The following FGF13 variants were observed in gnomAD, a reference collection of about 807,000 sequenced individuals.
FGF13 encodes fibroblast growth factor homologous factor 2.
A neutral mutation model predicts 19.5 loss-of-function variants in FGF13; 2 were observed. The observed-to-expected ratio is 0.10, with a 90% confidence interval of 0.04 to 0.32. The LOEUF (loss-of-function observed/expected upper bound fraction) is 0.32, where lower values mean the gene tolerates loss of function less well. FGF13 is among the 10% of genes least tolerant of loss of function. The pLI is 1.00. For missense variants in FGF13, 113 were observed against 192.7 expected, an observed-to-expected ratio of 0.59 and a Z score of 2.45; for synonymous variants, 72 against 76.9, an observed-to-expected ratio of 0.94 and a Z score of 0.33.
chrX:138,814,205 T>C lies in FGF13; in HGVS notation c.217+43307A>G, dbSNP rs141722575. Among the ~76,000 whole-genome samples, 250 of 110,260 alleles carry C rather than the reference T, an allele frequency of 2.3e-3. 7 individuals carry two copies. In the East Asian group the frequency reaches 0.068, roughly 30 times the overall value. ...TCCCAATAAAAATAACAATAAGTTA[T>C]TTTTAGAATTAGACAAGTTGTCACT... is the stretch of plus-strand genomic sequence containing the variant. On this transcript the variant is annotated intron_variant, in intron 3 of 6. Coordinates refer to the FGF13 transcript ENST00000436198.
intron 3 of FGF13, among the ~76,000 whole-genome samples, chrX:138,698,462 G>C (rs966008041): frequency 9.0e-5 from 10 of 111,706 alleles, no homozygotes; most frequent in Non-Finnish European, 1.3e-4. Flanking sequence ...CAATTTGCTT[G>C]CAAGAACAGA....
chrX:139,013,567 A>T (rs1266016461), intron 1 of FGF13, among the ~76,000 whole-genome samples: 4 of 101,228 alleles, frequency 4.0e-5, no homozygotes, highest in African/African-American at 1.5e-4. Flanking sequence ...AAGGAATGAA[A>T]TATTGGCATT....
intron 1 of FGF13, among the ~76,000 whole-genome samples, chrX:138,998,603 G>C (rs1212957509): frequency 2.7e-5 from 3 of 111,226 alleles, no homozygotes; most frequent in African/African-American, 9.8e-5. Flanking sequence ...ATTACCTAAT[G>C]GTAAAGGAAT....
At chrX:138,772,979 C>T (rs1255707140) in intron 3 of FGF13, among the ~76,000 whole-genome samples, 1 of 108,350 alleles carries the variant, frequency 9.2e-6, no homozygotes, top group African/African-American at 3.4e-5. Context: ...CACTATTGAC[C>T]GAACTAACTG....
At chrX:138,978,509 G>A (rs1224028634) in intron 1 of FGF13, among the ~76,000 whole-genome samples, 4 of 110,844 alleles carry the variant, frequency 3.6e-5, no homozygotes, top group South Asian at 3.8e-4. Context: ...TGATCCGCCC[G>A]CCGCGGCCTC....
chrX:138,918,850 G>A (rs755717438), intron 1 of FGF13, among the ~76,000 whole-genome samples: 2 of 111,971 alleles, frequency 1.8e-5, no homozygotes, highest in East Asian at 5.7e-4. Context: ...TGACCAACTG[G>A]AAGAAAGTAG....
At chrX:139,051,694 G>T (rs1328515892) in intron 1 of FGF13, among the ~76,000 whole-genome samples, 1 of 112,788 alleles carries the variant, frequency 8.9e-6, no homozygotes, top group Non-Finnish European at 1.9e-5. Context: ...AAAAAGCCAA[G>T]TCTCCTGATT....
chrX:138,680,754 C>T (rs1021852261), intron 3 of FGF13, among the ~76,000 whole-genome samples: 9 of 111,460 alleles, frequency 8.1e-5, no homozygotes, highest in Non-Finnish European at 1.5e-4. Flanking sequence ...GCTGCAGCTA[C>T]ACTAGCTCCT....
chrX:138,689,911 C>T (rs767567307), intron 3 of FGF13, among the ~76,000 whole-genome samples: 1 of 111,768 alleles, frequency 8.9e-6, no homozygotes, highest in Non-Finnish European at 1.9e-5. Flanking sequence ...ACTGAAATAC[C>T]CTTGTAATGT....
At chrX:139,072,840 A>G (rs2092381079) in intron 1 of FGF13, among the ~76,000 whole-genome samples, 1 of 111,736 alleles carries the variant, frequency 8.9e-6, no homozygotes, top group African/African-American at 3.2e-5. Context: ...TCCTTCTGGA[A>G]CATTTCTTAG....
rs139084376 is a variant in FGF13 at position 139,064,281 on chromosome X, C to CTTTTTT, written c.-113+139129_-113+139134dup. Among the ~76,000 whole-genome samples, 16 of 23,157 alleles carry CTTTTTT rather than the reference C, an allele frequency of 6.9e-4. 1 individual carries two copies. Among genetic ancestry groups the CTTTTTT allele is most frequent in the Non-Finnish European group, 9.3e-4 (14 of 15,022 alleles). The allele number at this position is 23,157 out of a possible 115,157, so 20.1% of individuals were successfully genotyped here. Reference sequence around the variant, plus strand: ...GCATAGAGCAGAGTTCTTTTTTTTTCTTTTTTTTTTTTTTTTTTTTTTTTT... The same window carrying CTTTTTT: ...GCATAGAGCAGAGTTCTTTTTTTTTCTTTTTTTTTTTTTTTTTTTTTTTTTTTTTTT... On this transcript the variant is annotated intron_variant, in intron 1 of 2. Coordinates refer to the FGF13 transcript ENST00000421460.
intron 1 of FGF13, among the ~76,000 whole-genome samples, chrX:139,072,049 TTC>T (rs907781177): frequency 9.3e-6 from 1 of 108,011 alleles, no homozygotes; most frequent in African/African-American, 3.4e-5. Flanking sequence ...TTTTTCTCTT[TTC>T]TCTCCTGCTT....
chrX:138,815,044 T>C (rs1324287503), intron 3 of FGF13, among the ~76,000 whole-genome samples: 1 of 111,317 alleles, frequency 9.0e-6, no homozygotes, highest in African/African-American at 3.3e-5. Flanking sequence ...TGCAGCAACA[T>C]GGGTGAACCT....
intron 1 of FGF13, among the ~76,000 whole-genome samples, chrX:138,882,608 C>T (rs1220236387): frequency 8.9e-6 from 1 of 111,820 alleles, no homozygotes; most frequent in Non-Finnish European, 1.9e-5. Context: ...TTTTACACCT[C>T]AGGAAACTCA....
chrX:138,791,775 G>A (rs1257557769), intron 3 of FGF13, among the ~76,000 whole-genome samples: 2 of 111,820 alleles, frequency 1.8e-5, no homozygotes, highest in African/African-American at 6.5e-5. Context: ...AAAAGTAAAT[G>A]CAATTTTAAA....
chrX:139,138,445 A>G (rs972583804), intron 1 of FGF13, among the ~76,000 whole-genome samples: 3 of 111,866 alleles, frequency 2.7e-5, no homozygotes, highest in African/African-American at 9.8e-5. Context: ...AAGGACAAAA[A>G]GTCTGCTCAT....
At chrX:138,863,799 T>C (rs777536845) in intron 2 of FGF13, among the ~76,000 whole-genome samples, 138 of 112,141 alleles carry the variant, frequency 1.2e-3, no homozygotes, top group African/African-American at 3.9e-3. Flanking sequence ...ACTCTGGTAG[T>C]TGGAAAACCA....
At position 138,999,774 on chromosome X, in the gene FGF13, C is replaced by G. The variant is rs756854339; in HGVS notation, c.-112-135124G>C. 2.7e-5 allele frequency among the ~76,000 whole-genome samples: 3 copies of G among 112,084 alleles called. No individual in the cohort carries two copies. In the South Asian group the frequency reaches 1.1e-3, roughly 42 times the overall value. On this transcript the variant is annotated intron_variant, in intron 1 of 2. Coordinates refer to the FGF13 transcript ENST00000421460. ...CCAGAGGTAGAAAGAGGAGCTGGTA[C>G]CATTCCTTCTGAAACTATTCCAATC...
At chrX:139,087,585 A>G (rs1019158116) in intron 1 of FGF13, among the ~76,000 whole-genome samples, 3 of 112,124 alleles carry the variant, frequency 2.7e-5, no homozygotes, top group Non-Finnish European at 3.8e-5. Flanking sequence ...TTTGATGGTT[A>G]TATTGAGCAA....
Sources: allele counts gnomAD v4.1 joint callset (sites outside exome capture counted in the v4.1 genomes callset), GRCh38; gene constraint gnomAD v4.1.1; transcripts MANE v1.5; gene names NCBI Gene and HGNC (gene_info 2026-07-23, HGNC 2026-07-21).